The following PSMD9 variants were observed in gnomAD, a reference collection of about 807,000 sequenced individuals.
PSMD9 encodes proteasome 26S subunit, non-ATPase 9.
In PSMD9, 26 loss-of-function variants were observed where a neutral mutation model predicts 25.9. The observed-to-expected ratio is 1.00, with a 90% CI of 0.73 to 1.39. The LOEUF (loss-of-function observed/expected upper bound fraction) is 1.39. Among genes scored for constraint, PSMD9 ranks in the 40% most tolerant of loss-of-function variants. PSMD9 has a pLI of 0.00. For synonymous variants in PSMD9, 110 were observed against 114.5 expected (o/e 0.96, Z 0.25); for missense variants, 303 against 299.3 (o/e 1.01, Z -0.09).
In PSMD9 at chr12:121,899,839, C is replaced by G; in HGVS notation, c.447C>G (p.Ser149Arg). Residue 149 changes from serine (S) to arginine (R), a missense_variant, in exon 3 of 6, where the codon AGC becomes AGG. Coordinates refer to ENST00000541212, the MANE Select transcript of PSMD9 (RefSeq NM_002813.7). ...VNSISPGSPA[S>R]IAGLQVDDEI... ...GCATCAGCCCCGGCTCCCCAGCCAG[C>G]ATCGCGGTAATCCAGGGGTTGGCCA... The G allele has an allele frequency of 2.5e-6, 4 of 1,613,920 alleles. No homozygotes were observed. The highest frequency in any genetic ancestry group is 3.4e-6 in the Non-Finnish European group (4 of 1,179,858).
At chr12:121,902,629 C>T (rs1377252652) in intron 3 of PSMD9, 1 of 210,698 alleles carries the variant, frequency 4.7e-6, no homozygotes, top group Non-Finnish European at 9.8e-6. Context: ...AAATGTTGAT[C>T]ACTGAATAAA....
At chr12:121,901,973 G>C (rs1879413854) in intron 3 of PSMD9, 1 of 152,294 alleles carries the variant, frequency 6.6e-6, no homozygotes, top group African/African-American at 2.4e-5. Flanking sequence ...GAGCCACTGT[G>C]CCTGGCCCTT....
chr12:121,914,176 C>G (rs1027910421), intron 4 of PSMD9: 6 of 152,122 alleles, frequency 3.9e-5, no homozygotes, highest in African/African-American at 1.4e-4. Flanking sequence ...CGTGAGCCAC[C>G]GTGCCTGGAT....
At position 121,911,793 on chromosome 12, in the gene PSMD9, C is replaced by T. The variant is rs981590804; in HGVS notation, c.556-4063C>T. Among the ~76,000 whole-genome samples, 8 of 151,460 alleles carry T rather than the reference C, an allele frequency of 5.3e-5. No individual in the cohort carries two copies. In the South Asian group the frequency reaches 1.5e-3, roughly 28 times the overall value. On this transcript the variant is annotated intron_variant, in intron 4 of 5. Coordinates refer to ENST00000541212, the MANE Select transcript of PSMD9 (RefSeq NM_002813.7). Reference sequence around the variant, plus strand: ...TTAGCCTCCTGAGTAGCTGGGATTACAGGCACCCACCACCACTCCCAGCTA... The same window carrying T: ...TTAGCCTCCTGAGTAGCTGGGATTATAGGCACCCACCACCACTCCCAGCTA...
Position 121,888,956 on chromosome 12 carries a change from G to T in PSMD9, c.100G>T (p.Glu34Ter). The T allele has an allele frequency of 6.3e-7, 1 of 1,591,690 alleles. No individual in the cohort carries two copies. ...GCTGATGCGGCGCAAGGAGGAGATA[G>T]AAGCGCAGATCAAGGCCAACTATGA... ...QELMRRKEEI[E>*]AQIKANYDVL... Residue 34 changes from glutamate to a stop codon, truncating the protein, a stop_gained, in exon 1 of 6, where the codon GAA becomes TAA. Transcript: ENST00000541212. LOFTEE classifies it high-confidence loss of function.
rs75048523 is a variant in PSMD9 at position 121,894,799 on chromosome 12, G to A, written c.199G>A (p.Val67Met). Residue 67 changes from valine (V) to methionine (M), a missense_variant, in exon 2 of 6, where the codon GTG (valine) becomes ATG (methionine). Physicochemically the swap from Val to Met is conservative, Grantham distance 21 (BLOSUM62 1). Coordinates refer to ENST00000541212, the MANE Select transcript of PSMD9 (RefSeq NM_002813.7). ...CTGTGAGGGCTACCCCCGGTCAGAC[G>A]TGGACCTGTACCAAGTCCGCACCGC... ...VDCEGYPRSD[V>M]DLYQVRTARH... is the part of the protein sequence containing the mutation. 37 of 1,613,930 alleles carry A rather than the reference G, an allele frequency of 2.3e-5. No homozygotes were observed. The highest frequency in any genetic ancestry group is 6.7e-5 in the East Asian group (3 of 44,880).
At chr12:121,909,706 T>G (rs1720035) in intron 4 of PSMD9, among the ~76,000 whole-genome samples, 114,346 of 152,058 alleles carry the variant, frequency 0.75, 43,165 homozygotes, top group Middle Eastern at 0.81. Context: ...AGGGAATTCC[T>G]TGTCGGCACA....
intron 1 of PSMD9, among the ~76,000 whole-genome samples, chr12:121,891,155 G>A (rs911489511): frequency 6.7e-6 from 1 of 149,592 alleles, no homozygotes; most frequent in African/African-American, 2.4e-5. Flanking sequence ...AATTAGTTGG[G>A]CGTGGTGGTG....
At chr12:121,893,552 A>C (rs1478439882) in intron 1 of PSMD9, among the ~76,000 whole-genome samples, 1 of 152,216 alleles carries the variant, frequency 6.6e-6, no homozygotes, top group African/African-American at 2.4e-5. Context: ...TCAAGGTGTC[A>C]GCAGGGTTGG....
Position 121,888,891 on chromosome 12 carries a change from C to T in PSMD9, c.35C>T (p.Ser12Phe), listed in dbSNP as rs1243462167. The T allele has an allele frequency of 3.7e-6, 6 of 1,601,846 alleles. No individual in the cohort carries two copies. The highest frequency in any genetic ancestry group is 5.1e-6 in the Non-Finnish European group (6 of 1,175,212). Reference protein sequence around the residue: ...SDEEARQSGGSSQAGVVTVSD... With the variant: ...SDEEARQSGGFSQAGVVTVSD... ...GAGGAAGCGAGGCAGAGCGGAGGCT[C>T]CTCGCAGGCCGGCGTCGTGACTGTC... Residue 12 changes from serine (S) to phenylalanine (F), a missense_variant, in exon 1 of 6, where the codon TCC becomes TTC. Transcript: ENST00000541212.
Position 121,916,589 on chromosome 12 carries a change from T to G in PSMD9, c.*278T>G, listed in dbSNP as rs1424290322. ...AGTGGGCGGAAGTTATTCTGGCAGGTACTGGTGTGATTATTATTATTATTT... is the reference window on the plus strand; with the variant it reads ...AGTGGGCGGAAGTTATTCTGGCAGGGACTGGTGTGATTATTATTATTATTT... On this transcript the variant is annotated 3_prime_UTR_variant, in exon 6 of 6. Transcript: ENST00000541212. The G allele has an allele frequency of 3.1e-5, 15 of 491,052 alleles. No individual in the cohort carries two copies. The highest frequency in any genetic ancestry group is 5.5e-5 in the Non-Finnish European group (15 of 274,426). The allele number at this position is 491,052 out of a possible 1,614,324, so 30.4% of individuals were successfully genotyped here.
intron 1 of PSMD9, 54 bp downstream of exon 1, chr12:121,889,048 G>A: frequency 1.3e-6 from 2 of 1,544,634 alleles, no homozygotes; most frequent in Non-Finnish European, 1.8e-6. Flanking sequence ...GGAGTCCCTG[G>A]GGTACTGGGA....
At chr12:121,896,566 G>C (rs989075864) in intron 2 of PSMD9, among the ~76,000 whole-genome samples, 11 of 152,128 alleles carry the variant, frequency 7.2e-5, no homozygotes, top group Admixed American at 5.9e-4. Flanking sequence ...GCTGGGTGCG[G>C]TGGCTCACGC....
intron 1 of PSMD9, 124 bp downstream of exon 1, chr12:121,889,118 C>T: frequency 7.9e-7 from 1 of 1,262,012 alleles, no homozygotes; most frequent in East Asian, 2.6e-5. Flanking sequence ...GCCCAAGGCG[C>T]CGCAAGTGCG....
At chr12:121,896,115 G>T (rs1879220770) in intron 2 of PSMD9, among the ~76,000 whole-genome samples, 2 of 147,618 alleles carry the variant, frequency 1.4e-5, no homozygotes, top group South Asian at 4.2e-4. Context: ...CAGAGCAAGA[G>T]ACCGTCTCAA....
At chr12:121,896,178 A>G (rs1879222885) in intron 2 of PSMD9, among the ~76,000 whole-genome samples, 1 of 151,906 alleles carries the variant, frequency 6.6e-6, no homozygotes, top group Non-Finnish European at 1.5e-5. Flanking sequence ...TTTTTGAAAA[A>G]TCTGTTCTCG....
Position 121,896,241 on chromosome 12 carries a change from G to A in PSMD9, c.241+1400G>A, listed in dbSNP as rs561876164. Among the ~76,000 whole-genome samples the A allele has an allele frequency of 3.4e-4, 51 of 152,130 alleles. 1 individual carries two copies. The South Asian group carries it at 0.01, about 31-fold the overall frequency. On this transcript the variant is annotated intron_variant, in intron 2 of 5. Coordinates refer to ENST00000541212, the MANE Select transcript of PSMD9 (RefSeq NM_002813.7). Reference sequence around the variant, plus strand: ...TCCCAGCACTTTGGGAAGCCAAGGCGGGCAGATCACCTGAGGTCAGGAGTT... The same window carrying A: ...TCCCAGCACTTTGGGAAGCCAAGGCAGGCAGATCACCTGAGGTCAGGAGTT...
chr12:121,902,952 C>A, intron 3 of PSMD9, 54 bp from the exon 4 acceptor site: 1 of 1,434,652 alleles, frequency 7.0e-7, no homozygotes, highest in Non-Finnish European at 9.8e-7. Context: ...TTAGAGACCA[C>A]CAGGAGCACA....
chr12:121,891,623 A>AT (rs1208192077), intron 1 of PSMD9, among the ~76,000 whole-genome samples: 1 of 150,328 alleles, frequency 6.7e-6, no homozygotes, highest in Non-Finnish European at 1.5e-5. Flanking sequence ...AAAAAAAAAA[A>AT]GACTGGGCAT....
Sources: allele counts gnomAD v4.1 joint callset (sites outside exome capture counted in the v4.1 genomes callset), GRCh38; gene constraint gnomAD v4.1.1; transcripts MANE v1.5; gene names NCBI Gene and HGNC (gene_info 2026-07-23, HGNC 2026-07-21).